The following UNC79 variants were observed in gnomAD, a reference collection of about 807,000 sequenced individuals.
UNC79 encodes unc-79 subunit of NALCN channel complex, also known as protein unc-79 homolog.
UNC79 carries 37 observed loss-of-function variants against 283.1 expected under a neutral mutation model. The observed-to-expected ratio is 0.13, with a 90% CI of 0.10 to 0.17. The LOEUF (loss-of-function observed/expected upper bound fraction) is 0.17, where lower values mean the gene tolerates loss of function less well. UNC79 is among the 10% of genes least tolerant of loss of function. The probability of loss-of-function intolerance (pLI) is 1.00; values close to 1 mark genes in which losing one functional copy is unlikely to be tolerated. For synonymous variants in UNC79, 1,107 were observed against 1,200.2 expected (o/e 0.92, Z 1.61); for missense variants, 2,272 against 3,211.1 (o/e 0.71, Z 7.07).
At chr14:93,412,826 C>G (rs2055362380) in intron 1 of UNC79, among the ~76,000 whole-genome samples, 2 of 151,954 alleles carry the variant, frequency 1.3e-5, no homozygotes, top group South Asian at 4.2e-4. Flanking sequence ...GAAATACCTT[C>G]CCAGACAAAC....
At chr14:93,564,129 C>T (rs559622419) in intron 14 of UNC79, among the ~76,000 whole-genome samples, 39 of 151,824 alleles carry the variant, frequency 2.6e-4, no homozygotes, top group South Asian at 1.0e-3. Flanking sequence ...CCCTGCACTT[C>T]GGCTGTGTGC....
intron 26 of UNC79, among the ~76,000 whole-genome samples, chr14:93,611,821 T>G (rs2066328158): frequency 6.6e-6 from 1 of 152,040 alleles, no homozygotes; most frequent in Non-Finnish European, 1.5e-5. Context: ...TGTTTTCAAT[T>G]TAGAAATTCT....
In UNC79 at chr14:93,531,755, G is replaced by A. The variant is rs2060832169; in HGVS notation, c.1094-795G>A. 6.6e-6 allele frequency among the ~76,000 whole-genome samples: 1 copy of A among 152,200 alleles called. No homozygotes were observed. Among genetic ancestry groups the A allele is most frequent in the Non-Finnish European group, 1.5e-5 (1 of 68,038 alleles). ...TATATCACATTAACCCAGTGTCATA[G>A]TATAATGGGAAGAACAGTAAATGGG... On this transcript the variant is annotated intron_variant, in intron 10 of 48. Coordinates refer to ENST00000555664, the Ensembl canonical transcript of UNC79. The surrounding 1 kb of genome is among the most constrained non-coding windows in gnomAD (Gnocchi z 4.2).
chr14:93,592,151 A>G (rs1384254482), intron 22 of UNC79, among the ~76,000 whole-genome samples: 1 of 151,016 alleles, frequency 6.6e-6, no homozygotes, highest in Non-Finnish European at 1.5e-5. Context: ...TATATTTTAT[A>G]CATTCATTAC....
At chr14:93,382,081 G>A (rs775175201) in intron 1 of UNC79, among the ~76,000 whole-genome samples, 3 of 152,228 alleles carry the variant, frequency 2.0e-5, no homozygotes, top group East Asian at 1.9e-4. Context: ...ATTAATTTCC[G>A]AATTCAGAAT....
At chr14:93,495,112 C>A (rs1292406433) in intron 5 of UNC79, among the ~76,000 whole-genome samples, 2 of 152,134 alleles carry the variant, frequency 1.3e-5, no homozygotes, top group Admixed American at 1.3e-4. Context: ...TCTCTAGCTG[C>A]AAGGGGCTTT....
chr14:93,558,473 G>A (rs1377829614), intron 14 of UNC79, among the ~76,000 whole-genome samples: 1 of 151,484 alleles, frequency 6.6e-6, no homozygotes, highest in Non-Finnish European at 1.5e-5. Flanking sequence ...GGAGAATGGC[G>A]TGAACCCCGG....
rs144241729 is a variant in UNC79 at position 93,695,442 on chromosome 14, G to A, written c.7548+1030G>A. Reference sequence around the variant, plus strand: ...AAATGGGTTAGATATATGATATGTAGCTTGATAATAGCAAAAGTCAACACT... The same window carrying A: ...AAATGGGTTAGATATATGATATGTAACTTGATAATAGCAAAAGTCAACACT... On this transcript the variant is annotated intron_variant, in intron 47 of 48. Transcript: ENST00000555664. Among the ~76,000 whole-genome samples the A allele has an allele frequency of 3.9e-5, 6 of 152,314 alleles. No homozygotes were observed. The East Asian group carries it at 1.2e-3, about 29-fold the overall frequency.
At chr14:93,601,268 C>T (rs1051699315) in intron 25 of UNC79, among the ~76,000 whole-genome samples, 4 of 149,824 alleles carry the variant, frequency 2.7e-5, no homozygotes, top group Admixed American at 1.3e-4. Context: ...CCCTTCCCCC[C>T]AAAGTCCCCA....
chr14:93,523,159 T>TACAGA (rs2060402039), intron 7 of UNC79, among the ~76,000 whole-genome samples: 5 of 152,162 alleles, frequency 3.3e-5, no homozygotes, highest in Admixed American at 2.6e-4. Context: ...AGCCAAGTGC[T>TACAGA]TTGGGCTACA....
At chr14:93,468,153 T>C (rs1318743312) in intron 2 of UNC79, among the ~76,000 whole-genome samples, 1 of 152,246 alleles carries the variant, frequency 6.6e-6, no homozygotes, top group Non-Finnish European at 1.5e-5. Context: ...TTCAGAATTA[T>C]GTGGCATTTT....
intron 1 of UNC79, among the ~76,000 whole-genome samples, chr14:93,445,107 G>C (rs1432709394): frequency 6.6e-6 from 1 of 152,040 alleles, no homozygotes; most frequent in East Asian, 1.9e-4. Context: ...TTTGCTGTTA[G>C]TATAGATAAA....
At chr14:93,572,877 C>T in intron 16 of UNC79, 61 bp downstream of exon 16, 2 of 1,581,118 alleles carry the variant, frequency 1.3e-6, no homozygotes, top group Non-Finnish European at 1.7e-6. Context: ...AGCTTTAGAT[C>T]CCTGGATCGA....
chr14:93,434,806 A>G (rs1256033378), intron 1 of UNC79, among the ~76,000 whole-genome samples: 1 of 152,228 alleles, frequency 6.6e-6, no homozygotes, highest in Non-Finnish European at 1.5e-5. Flanking sequence ...CCTGGCACAT[A>G]ATGAGGACTT....
At chr14:93,635,394 C>T (rs2068423333) in intron 31 of UNC79, among the ~76,000 whole-genome samples, 2 of 152,288 alleles carry the variant, frequency 1.3e-5, no homozygotes, top group South Asian at 4.1e-4. Context: ...AACATGCATG[C>T]ACCACTAAAA....
Position 93,688,056 on chromosome 14 carries a change from A to G in UNC79, c.6910-609A>G, listed in dbSNP as rs1277606874. Among the ~76,000 whole-genome samples the G allele has an allele frequency of 6.6e-6, 1 of 152,190 alleles. No individual in the cohort carries two copies. The highest frequency in any genetic ancestry group is 1.5e-5 in the Non-Finnish European group (1 of 68,042). Reference sequence around the variant, plus strand: ...CCTTCCCACTGAGCTCACACTGAGCAAAGAAATCTTTCTAAATTAATTCAA... The same window carrying G: ...CCTTCCCACTGAGCTCACACTGAGCGAAGAAATCTTTCTAAATTAATTCAA... On this transcript the variant is annotated intron_variant, in intron 43 of 48. Coordinates refer to ENST00000555664, the Ensembl canonical transcript of UNC79. The surrounding 1 kb of genome is among the most constrained non-coding windows in gnomAD (Gnocchi z 4.0).
intron 4 of UNC79, among the ~76,000 whole-genome samples, chr14:93,484,570 A>G (rs1021927835): frequency 6.6e-6 from 1 of 152,200 alleles, no homozygotes; most frequent in South Asian, 2.1e-4. Flanking sequence ...CTGGGAGGAT[A>G]GGGAATAGGA....
intron 32 of UNC79, among the ~76,000 whole-genome samples, chr14:93,639,163 C>T (rs552474273): frequency 6.6e-6 from 1 of 152,302 alleles, no homozygotes; most frequent in South Asian, 2.1e-4. Context: ...TGGCAATAAT[C>T]TTCTGAAAGG....
At chr14:93,353,735 G>A (rs915605905) in intron 1 of UNC79, among the ~76,000 whole-genome samples, 3 of 152,130 alleles carry the variant, frequency 2.0e-5, no homozygotes, top group Admixed American at 6.5e-5. Context: ...TGAGTGATTC[G>A]TTCAATATTT....
Sources: allele counts gnomAD v4.1 joint callset (sites outside exome capture counted in the v4.1 genomes callset), GRCh38; gene constraint gnomAD v4.1.1; non-coding constraint Gnocchi (gnomAD v3.1); transcripts MANE v1.5; gene names NCBI Gene and HGNC (gene_info 2026-07-23, HGNC 2026-07-21).